Variants in RBFOX1 observed in about 807,000 individuals in gnomAD.
RBFOX1 encodes the protein RNA binding fox-1 homolog 1.
Under a neutral mutation model 57.7 loss-of-function variants are expected in RBFOX1, and 8 were observed. The observed-to-expected ratio is 0.14, with a 90% CI of 0.08 to 0.25. RBFOX1 has a LOEUF of 0.25. Among genes scored for constraint, RBFOX1 ranks in the 10% least tolerant of loss-of-function variants. The pLI is 1.00. For missense variants in RBFOX1, 611 were observed against 548.5 expected, an observed-to-expected ratio of 1.11 and a Z score of -1.14; for synonymous variants, 326 against 222.4, an observed-to-expected ratio of 1.47 and a Z score of -4.15.
chr16:7,641,489 T>C (rs958620478), intron 11 of RBFOX1, among the ~76,000 whole-genome samples: 8 of 152,232 alleles, frequency 5.3e-5, no homozygotes, highest in Non-Finnish European at 8.8e-5. Flanking sequence ...CCACACCACA[T>C]GTTTTAGATT....
At chr16:6,753,341 T>C (rs145018584) in intron 3 of RBFOX1, among the ~76,000 whole-genome samples, 2,693 of 152,292 alleles carry the variant, frequency 0.018, 33 homozygotes, top group Middle Eastern at 0.024. Context: ...TACTGCAGTA[T>C]TGGAAAAATA....
At chr16:7,517,291 G>A (rs556227029) in intron 4 of RBFOX1, among the ~76,000 whole-genome samples, 70 of 151,828 alleles carry the variant, frequency 4.6e-4, no homozygotes, top group African/African-American at 1.6e-3. Flanking sequence ...AAATTCTTCT[G>A]AGTTGGCTGT....
chr16:5,408,912 T>A (rs961377422), intron 1 of RBFOX1, among the ~76,000 whole-genome samples: 4 of 152,122 alleles, frequency 2.6e-5, no homozygotes, highest in Non-Finnish European at 4.4e-5. Context: ...TCATGAGAAA[T>A]CCGCCCCCGT....
At chr16:6,217,174 C>CTTTTTTTTTTTTT (rs71142697) in intron 1 of RBFOX1, among the ~76,000 whole-genome samples, 1 of 119,058 alleles carries the variant, frequency 8.4e-6, no homozygotes, top group Admixed American at 9.7e-5. Flanking sequence ...TTAGGGGATT[C>CTTTTTTTTTTTTT]TTTTTTTTTT....
At chr16:6,053,378 G>C (rs886790660) in intron 1 of RBFOX1, among the ~76,000 whole-genome samples, 1 of 152,182 alleles carries the variant, frequency 6.6e-6, no homozygotes, top group African/African-American at 2.4e-5. Flanking sequence ...CTGAAGAATG[G>C]ATTGTATTGG....
chr16:5,485,309 G>C (rs1448319948), intron 2 of RBFOX1, among the ~76,000 whole-genome samples: 32 of 128,632 alleles, frequency 2.5e-4, no homozygotes, highest in Non-Finnish European at 1.1e-4. Flanking sequence ...TTGCGCCACT[G>C]CACTCCAGCC....
At chr16:6,438,253 C>G (rs534911332) in intron 2 of RBFOX1, among the ~76,000 whole-genome samples, 84 of 152,318 alleles carry the variant, frequency 5.5e-4, no homozygotes, top group Non-Finnish European at 1.0e-3. Context: ...CTGTGCCTCA[C>G]AGGTATTAAC....
At chr16:7,232,405 T>G (rs1367616857) in intron 4 of RBFOX1, among the ~76,000 whole-genome samples, 4 of 152,184 alleles carry the variant, frequency 2.6e-5, no homozygotes, top group Non-Finnish European at 5.9e-5. Context: ...TATAACAAGC[T>G]TCAAACAAGT....
At chr16:6,952,206 A>C (rs1031658753) in intron 3 of RBFOX1, among the ~76,000 whole-genome samples, 4 of 152,194 alleles carry the variant, frequency 2.6e-5, no homozygotes, top group Non-Finnish European at 5.9e-5. Context: ...CACTGCTATC[A>C]CTGAGATGAA....
intron 2 of RBFOX1, among the ~76,000 whole-genome samples, chr16:6,620,421 A>G (rs2098211972): frequency 6.6e-6 from 1 of 152,224 alleles, no homozygotes; most frequent in South Asian, 2.1e-4. Flanking sequence ...ACAAGTTAAC[A>G]ACACAATTAA....
At chr16:5,435,719 C>G (rs759652150) in intron 1 of RBFOX1, among the ~76,000 whole-genome samples, 38 of 152,168 alleles carry the variant, frequency 2.5e-4, no homozygotes, top group Non-Finnish European at 4.4e-4. Context: ...ATTGAAGTGT[C>G]TAGTCTCTTT....
At chr16:7,336,814 T>C (rs941941524) in intron 4 of RBFOX1, among the ~76,000 whole-genome samples, 8 of 152,244 alleles carry the variant, frequency 5.3e-5, no homozygotes, top group Non-Finnish European at 1.0e-4. Flanking sequence ...AATCAATTTC[T>C]TTTGGAAGTT....
At chr16:6,003,831 C>A (rs887764320) in intron 4 of RBFOX1, among the ~76,000 whole-genome samples, 1 of 152,240 alleles carries the variant, frequency 6.6e-6, no homozygotes, top group African/African-American at 2.4e-5. Flanking sequence ...TGCCCCCCAA[C>A]TGAGGCCTCT....
chr16:7,068,653 C>T (rs1303690417), intron 4 of RBFOX1, among the ~76,000 whole-genome samples: 1 of 152,140 alleles, frequency 6.6e-6, no homozygotes, highest in East Asian at 1.9e-4. Context: ...ATGGTGCAAT[C>T]TCAGTTCATT....
chr16:7,196,431 A>T (rs903720753), intron 4 of RBFOX1, among the ~76,000 whole-genome samples: 1 of 152,178 alleles, frequency 6.6e-6, no homozygotes, highest in African/African-American at 2.4e-5. Flanking sequence ...AACATCTTTC[A>T]TTCAGACCAT....
intron 3 of RBFOX1, among the ~76,000 whole-genome samples, chr16:6,869,220 C>G (rs1275760661): frequency 6.6e-6 from 1 of 152,176 alleles, no homozygotes. Context: ...TTATCAGCAA[C>G]ACTTGCTGAC....
At chr16:7,017,469 G>A (rs183759692) in intron 3 of RBFOX1, among the ~76,000 whole-genome samples, 9 of 152,224 alleles carry the variant, frequency 5.9e-5, no homozygotes, top group East Asian at 1.9e-4. Flanking sequence ...ACTGACGCGC[G>A]CACACATGCT....
intron 3 of RBFOX1, among the ~76,000 whole-genome samples, chr16:6,749,943 C>T (rs931477699): frequency 6.6e-5 from 10 of 152,138 alleles, no homozygotes; most frequent in Non-Finnish European, 1.3e-4. Flanking sequence ...TCAGGGTGTT[C>T]AGAGTTAGTA....
chr16:5,901,299 T>C (rs776151379), intron 4 of RBFOX1, among the ~76,000 whole-genome samples: 1 of 152,188 alleles, frequency 6.6e-6, no homozygotes, highest in African/African-American at 2.4e-5. Context: ...AATTTTATGC[T>C]CTGGTAATCT....
Sources: allele counts gnomAD v4.1 joint callset (sites outside exome capture counted in the v4.1 genomes callset), GRCh38; gene constraint gnomAD v4.1.1; transcripts MANE v1.5; gene names NCBI Gene and HGNC (gene_info 2026-07-23, HGNC 2026-07-21).